Variants in SH3TC2 observed in about 807,000 individuals in gnomAD.
The protein encoded by SH3TC2 is SH3 domain and tetratricopeptide repeats 2.
A neutral mutation model predicts 124.5 loss-of-function variants in SH3TC2; 87 were observed. The observed-to-expected ratio is 0.70, with a 90% CI of 0.59 to 0.84. The LOEUF is 0.84. Among genes scored for constraint, SH3TC2 ranks in the 40% least tolerant of loss-of-function variants. SH3TC2 has a pLI of 0.00. For synonymous variants in SH3TC2, 634 were observed against 628.5 expected (o/e 1.01, Z -0.13); for missense variants, 1,536 against 1,566.4 (o/e 0.98, Z 0.33).
intron 15 of SH3TC2, chr5:149,007,806 CA>C (rs911753890): frequency 3.3e-5 from 5 of 152,400 alleles, no homozygotes; most frequent in Non-Finnish European, 7.3e-5. Context: ...CATCTAAAAA[CA>C]TCACTTTTAA....
intron 6 of SH3TC2, 50 bp from the exon 7 acceptor site, chr5:149,040,727 A>G (rs368259095): frequency 9.4e-5 from 135 of 1,441,872 alleles, no homozygotes; most frequent in Non-Finnish European, 1.3e-4. Context: ...AAAAATTGCA[A>G]CAATGAACAG....
intron 9 of SH3TC2, 104 bp downstream of exon 9, chr5:149,031,450 C>A: frequency 6.6e-7 from 1 of 1,522,982 alleles, no homozygotes; most frequent in Non-Finnish European, 9.1e-7. Flanking sequence ...CACCCAAATT[C>A]ATGAATAGGA....
intron 13 of SH3TC2, among the ~76,000 whole-genome samples, chr5:149,010,726 T>G (rs1753770755): frequency 6.6e-6 from 1 of 152,144 alleles, no homozygotes; most frequent in Non-Finnish European, 1.5e-5. Flanking sequence ...CAACTTTAGA[T>G]AGTATTGTGT....
Position 149,003,666 on chromosome 5 carries a change from C to G in SH3TC2, c.*1045G>C, listed in dbSNP as rs1753632623. On this transcript the variant is annotated 3_prime_UTR_variant, in exon 17 of 17. Coordinates refer to ENST00000515425, the MANE Select transcript of SH3TC2 (RefSeq NM_024577.4). ...TGCAGTGATGTTATTAATAGAGATG[C>G]TTTGTAAAGCAGCTGCCCTGAAATC... 16 of 355,438 alleles carry G rather than the reference C, an allele frequency of 4.5e-5. No homozygotes were observed. The highest frequency in any genetic ancestry group is 3.0e-4 in the South Asian group (14 of 46,794). 22.0% of individuals were successfully genotyped at this position (355,438 alleles called of 1,614,324 possible).
At position 149,001,069 on chromosome 5, in the gene SH3TC2, T is replaced by C. The variant is rs1180854511; in HGVS notation, c.*3642A>G. Among the ~76,000 whole-genome samples, 1 of 152,104 alleles carries C rather than the reference T, an allele frequency of 6.6e-6. No individual in the cohort carries two copies. The highest frequency in any genetic ancestry group is 1.5e-5 in the Non-Finnish European group (1 of 68,016). On this transcript the variant is annotated 3_prime_UTR_variant, in exon 17 of 17. Coordinates refer to ENST00000515425, the MANE Select transcript of SH3TC2 (RefSeq NM_024577.4). The stretch of plus-strand genomic sequence containing the variant: ...TTCCCTTTAGTGATAGGCTTCCTGA[T>C]CCCTCATCCTAACACCCTCCATTCC...
At chr5:149,032,870 C>T (rs1754220167) in intron 8 of SH3TC2, among the ~76,000 whole-genome samples, 1 of 152,156 alleles carries the variant, frequency 6.6e-6, no homozygotes, top group South Asian at 2.1e-4. Flanking sequence ...GGGCCCCCAT[C>T]TCCCTGGGCT....
Position 149,026,642 on chromosome 5 carries a change from T to G in SH3TC2, c.2983A>C (p.Arg995=), listed in dbSNP as rs766567736. The change falls in exon 12 of 17, where the codon AGG becomes CGG. Residue 995 remains arginine (R), a synonymous_variant. Transcript: ENST00000515425. Reference sequence around the variant, plus strand: ...AGCCTCCCTTCCATCTCCCGGTCCCTGAGTTGCTGAGCCAGGGCCAGCCAG... The same window carrying G: ...AGCCTCCCTTCCATCTCCCGGTCCCGGAGTTGCTGAGCCAGGGCCAGCCAG... ...EHWLALAQQL[R]DREMEGRLLE... is the part of the protein sequence containing the mutation. 2 of 1,614,210 alleles carry G rather than the reference T, an allele frequency of 1.2e-6. No homozygotes were observed. Among genetic ancestry groups the G allele is most frequent in the Non-Finnish European group, 1.7e-6 (2 of 1,180,048 alleles).
At position 149,004,987 on chromosome 5, in the gene SH3TC2, G is replaced by GT. The variant is rs201226305; in HGVS notation, c.3676-86dup. ...CTAGGAGGCTGTGCTGGCCACTCTAGTTTTTTTTGTTTGTTTGTTTGTTTG... is the reference window on the plus strand; with the variant it reads ...CTAGGAGGCTGTGCTGGCCACTCTAGTTTTTTTTTGTTTGTTTGTTTGTTTG... On this transcript the variant is annotated intron_variant, in intron 16 of 16. Transcript: ENST00000515425. The GT allele has an allele frequency of 8.3e-3, 10,889 of 1,315,378 alleles. 6 individuals carry two copies. Among genetic ancestry groups the GT allele is most frequent in the African/African-American group, 0.015 (968 of 64,960 alleles). The allele number at this position is 1,315,378 out of a possible 1,614,324, so 81.5% of individuals were successfully genotyped here.
intron 13 of SH3TC2, 132 bp downstream of exon 13, chr5:149,012,452 G>T: frequency 1.7e-6 from 2 of 1,211,390 alleles, no homozygotes; most frequent in Non-Finnish European, 1.2e-6. Context: ...GCAGCCCAGT[G>T]TTGACCCTTT....
At chr5:149,052,042 C>A (rs535686022) in intron 2 of SH3TC2, 100 bp downstream of exon 2, 48 of 874,770 alleles carry the variant, frequency 5.5e-5, no homozygotes, top group Middle Eastern at 4.3e-4. Flanking sequence ...ATCTTTTCAT[C>A]AAGAGGGAAA....
chr5:149,029,502 C>T (rs1179714911), intron 9 of SH3TC2, among the ~76,000 whole-genome samples: 1 of 152,046 alleles, frequency 6.6e-6, no homozygotes, highest in East Asian at 1.9e-4. Flanking sequence ...AATTGCTGGC[C>T]AGAGTCCCAG....
chr5:149,035,202 A>G (rs1486233630), intron 8 of SH3TC2, among the ~76,000 whole-genome samples: 1 of 152,258 alleles, frequency 6.6e-6, no homozygotes, highest in Non-Finnish European at 1.5e-5. Context: ...CAATATGAAG[A>G]ATAAAAGAAG....
rs1232179401 is a variant in SH3TC2, at chr5:148,996,304, T to G, written c.*8407A>C. On this transcript the variant is annotated 3_prime_UTR_variant, in exon 17 of 17. Transcript: ENST00000515425. ...GAGAGAGAGAAACAGACAGATGGACTTTATACAACTTGGAAAGAAAGAAAA... is the reference window on the plus strand; with the variant it reads ...GAGAGAGAGAAACAGACAGATGGACGTTATACAACTTGGAAAGAAAGAAAA... Among the ~76,000 whole-genome samples, 1 of 151,902 alleles carries G rather than the reference T, an allele frequency of 6.6e-6. No individual in the cohort carries two copies. Among genetic ancestry groups the G allele is most frequent in the Non-Finnish European group, 1.5e-5 (1 of 67,968 alleles).
intron 3 of SH3TC2, chr5:149,046,847 C>CA (rs986845508): frequency 6.6e-6 from 1 of 152,076 alleles, no homozygotes; most frequent in African/African-American, 2.4e-5. Flanking sequence ...AAATAAAATT[C>CA]AAAAAAATGT....
intron 1 of SH3TC2, among the ~76,000 whole-genome samples, chr5:149,056,446 T>C (rs1754649452): frequency 1.3e-5 from 2 of 152,222 alleles, no homozygotes; most frequent in African/African-American, 4.8e-5. Flanking sequence ...ATGCTCTCAT[T>C]CTTTTTTATG....
Position 148,989,117 on chromosome 5 carries a change from T to C in SH3TC2, c.*15594A>G, listed in dbSNP as rs182189900. Among the ~76,000 whole-genome samples the C allele has an allele frequency of 1.3e-5, 2 of 152,336 alleles. No homozygotes were observed. The highest frequency in any genetic ancestry group is 2.1e-4 in the South Asian group (1 of 4,826). On this transcript the variant is annotated 3_prime_UTR_variant, in exon 17 of 17. Transcript: ENST00000515425. The stretch of plus-strand genomic sequence containing the variant: ...ATTGTTTTTTAACGTATTTTCTTTA[T>C]ATTTCCTTGAGTTCCTTTTGGAGTC...
At chr5:149,038,222 A>G in intron 8 of SH3TC2, 73 bp downstream of exon 8, 1 of 1,506,638 alleles carries the variant, frequency 6.6e-7, no homozygotes. Context: ...TCAACTGCAA[A>G]TCTGCTCAAA....
rs912444172 is a variant in SH3TC2 at position 148,990,472 on chromosome 5, G to T, written c.*14239C>A. ...ACCTAAAGACAACCATGCTGATGAA[G>T]CCAAGTCAGGAGCAAAAGGAGATCA... is the stretch of plus-strand genomic sequence containing the variant. On this transcript the variant is annotated 3_prime_UTR_variant, in exon 17 of 17. Coordinates refer to ENST00000515425, the MANE Select transcript of SH3TC2 (RefSeq NM_024577.4). 6.6e-6 allele frequency among the ~76,000 whole-genome samples: 1 copy of T among 152,122 alleles called. No homozygotes were observed. The highest frequency in any genetic ancestry group is 1.5e-5 in the Non-Finnish European group (1 of 68,024).
intron 12 of SH3TC2, among the ~76,000 whole-genome samples, chr5:149,022,501 T>C (rs1275240665): frequency 2.0e-5 from 3 of 152,178 alleles, no homozygotes; most frequent in Non-Finnish European, 2.9e-5. Context: ...AAAGTTTAAA[T>C]ATAGAATTAT....
Sources: gnomAD v4.1 joint callset for allele counts (sites outside exome capture counted in the v4.1 genomes callset) on GRCh38, gnomAD v4.1.1 for gene constraint, MANE v1.5 for transcripts, NCBI Gene and HGNC (gene_info 2026-07-23, HGNC 2026-07-21) for gene names.